TMPRSS6: variants seen among roughly 807,000 people sequenced by gnomAD.
TMPRSS6 encodes the protein transmembrane serine protease 6, also known as transmembrane protease serine 6.
A neutral mutation model predicts 101.5 loss-of-function variants in TMPRSS6; 67 were observed. The ratio of observed to expected loss-of-function variants is 0.66; its 90% confidence interval spans 0.54 to 0.81. The LOEUF is 0.81. Ranked by LOEUF, TMPRSS6 falls within the 30% of genes least tolerant of loss-of-function variation. The pLI is 0.00. For synonymous variants in TMPRSS6, 453 were observed against 464.9 expected (o/e 0.97, Z 0.33); for missense variants, 1,034 against 1,088.7 (o/e 0.95, Z 0.71).
upstream of TMPRSS6, among the ~76,000 whole-genome samples, chr22:37,109,788 G>T (rs1027539438): frequency 1.3e-5 from 2 of 152,368 alleles, no homozygotes; most frequent in East Asian, 1.9e-4. Context: ...CCCCGCATGG[G>T]CACCCCAGAG....
At chr22:37,090,057 G>A (rs1188840410) in intron 6 of TMPRSS6, among the ~76,000 whole-genome samples, 1 of 152,256 alleles carries the variant, frequency 6.6e-6, no homozygotes, top group Non-Finnish European at 1.5e-5. Flanking sequence ...GTCGCTGCCT[G>A]GGGACATGGA....
chr22:37,093,592 G>A (rs1174209963), intron 6 of TMPRSS6, among the ~76,000 whole-genome samples: 1 of 149,310 alleles, frequency 6.7e-6, no homozygotes, highest in East Asian at 2.0e-4. Flanking sequence ...TAGAAGAGAC[G>A]GGGTTTCGCC....
intron 10 of TMPRSS6, among the ~76,000 whole-genome samples, chr22:37,075,831 A>G (rs1927583033): frequency 6.6e-6 from 1 of 152,038 alleles, no homozygotes; most frequent in African/African-American, 2.4e-5. Context: ...GAACCCAGGA[A>G]GCAGAGGTTG....
chr22:37,084,110 G>A (rs769809086), intron 10 of TMPRSS6, 185 bp downstream of exon 10: 20 of 636,878 alleles, frequency 3.1e-5, no homozygotes, highest in African/African-American at 2.2e-4. Flanking sequence ...GGGCCAGGGC[G>A]GAGGCTGGGA....
intron 10 of TMPRSS6, chr22:37,082,610 T>C: frequency 4.7e-6 from 1 of 214,898 alleles, no homozygotes; most frequent in Non-Finnish European, 9.4e-6. Flanking sequence ...AGGGCAGCCG[T>C]TCCCAGAGGT....
rs1926695330 is a variant in TMPRSS6 at position 37,069,541 on chromosome 22, T to C, written c.1842-197A>G. 6.6e-6 allele frequency among the ~76,000 whole-genome samples: 1 copy of C among 152,096 alleles called. No homozygotes were observed. Among genetic ancestry groups the C allele is most frequent in the African/African-American group, 2.4e-5 (1 of 41,422 alleles). On this transcript the variant is annotated intron_variant, in intron 15 of 17. Coordinates refer to ENST00000676104, the MANE Select transcript of TMPRSS6 (RefSeq NM_001374504.1). The surrounding 1 kb of genome is among the most constrained non-coding windows in gnomAD (Gnocchi z 4.8). ...CTTCACCCACTCGGCCTGCCTGGGTTCCACGCCCCAGCTTCATCCCTCCCT... is the reference window on the plus strand; with the variant it reads ...CTTCACCCACTCGGCCTGCCTGGGTCCCACGCCCCAGCTTCATCCCTCCCT...
chr22:37,085,911 A>AG (rs1488291975), intron 8 of TMPRSS6, among the ~76,000 whole-genome samples: 2 of 142,182 alleles, frequency 1.4e-5, no homozygotes, highest in African/African-American at 5.1e-5. Context: ...GAGGGCAGGG[A>AG]GGGGGTGAGG....
chr22:37,097,566 C>T (rs1929872006), intron 3 of TMPRSS6, among the ~76,000 whole-genome samples: 1 of 152,254 alleles, frequency 6.6e-6, no homozygotes, highest in Admixed American at 6.5e-5. Context: ...TCTGGCCTGC[C>T]TTGCTGGGCA....
intron 16 of TMPRSS6, among the ~76,000 whole-genome samples, chr22:37,067,353 C>T (rs1022040899): frequency 2.0e-5 from 3 of 152,106 alleles, no homozygotes; most frequent in African/African-American, 7.2e-5. Flanking sequence ...GCCTGTAATC[C>T]CAGTTACTCA....
chr22:37,067,099 G>T, intron 16 of TMPRSS6, 137 bp from the exon 17 acceptor site: 1 of 1,299,118 alleles, frequency 7.7e-7, no homozygotes, highest in Non-Finnish European at 1.1e-6. Context: ...TGCTAGGGTC[G>T]CACCTGCCCC....
chr22:37,098,876 C>A (rs577084617), intron 2 of TMPRSS6, among the ~76,000 whole-genome samples: 4 of 152,286 alleles, frequency 2.6e-5, no homozygotes, highest in East Asian at 3.9e-4. Flanking sequence ...TCCACATAGG[C>A]CCAGGAGGCC....
intron 6 of TMPRSS6, among the ~76,000 whole-genome samples, chr22:37,090,132 C>T (rs916653908): frequency 3.3e-5 from 5 of 152,228 alleles, no homozygotes; most frequent in South Asian, 4.1e-4. Context: ...GCTTCAAACC[C>T]GGCCTGTGGG....
intron 16 of TMPRSS6, chr22:37,068,706 A>C (rs557663205): frequency 3.8e-6 from 3 of 779,620 alleles, no homozygotes; most frequent in South Asian, 2.7e-5. Flanking sequence ...ATATGAAGTC[A>C]AGTTCCCCTA....
intron 12 of TMPRSS6, 70 bp from the exon 13 acceptor site, chr22:37,073,715 T>A (rs1162951933): frequency 1.1e-6 from 1 of 925,194 alleles, no homozygotes; most frequent in Non-Finnish European, 1.8e-6. Context: ...TGGCGATGCC[T>A]GTAGAAGGTG....
intron 8 of TMPRSS6, 86 bp downstream of exon 8, chr22:37,086,197 C>CA: frequency 1.9e-6 from 3 of 1,586,456 alleles, no homozygotes; most frequent in East Asian, 2.2e-5. Flanking sequence ...TCAATTTGGG[C>CA]AAAAAAGGTG....
At chr22:37,072,815 TGATG>T (rs1269401939) in intron 13 of TMPRSS6, among the ~76,000 whole-genome samples, 4 of 128,126 alleles carry the variant, frequency 3.1e-5, no homozygotes, top group South Asian at 2.5e-4. Context: ...GATGGATGGA[TGATG>T]GATGGATGGA....
chr22:37,081,207 C>T (rs992841379), intron 10 of TMPRSS6, among the ~76,000 whole-genome samples: 1 of 152,232 alleles, frequency 6.6e-6, no homozygotes, highest in African/African-American at 2.4e-5. Flanking sequence ...CGGTGATGAA[C>T]GCAGGTTTGT....
intron 13 of TMPRSS6, 74 bp downstream of exon 13, chr22:37,073,458 A>C (rs1927329128): frequency 1.0e-6 from 1 of 965,744 alleles, no homozygotes; most frequent in Non-Finnish European, 1.7e-6. Flanking sequence ...GAAGCTAGAA[A>C]CTTTTGCTGA....
chr22:37,076,730 G>C (rs543734716), intron 10 of TMPRSS6, among the ~76,000 whole-genome samples: 4 of 152,360 alleles, frequency 2.6e-5, no homozygotes, highest in South Asian at 2.1e-4. Flanking sequence ...TTGCAGAACA[G>C]ATGGGGACAG....
Sources: gnomAD v4.1 joint callset for allele counts (sites outside exome capture counted in the v4.1 genomes callset) on GRCh38, gnomAD v4.1.1 for gene constraint, Gnocchi (gnomAD v3.1) non-coding constraint, MANE v1.5 for transcripts, NCBI Gene and HGNC (gene_info 2026-07-23, HGNC 2026-07-21) for gene names.